KMT2D: variants seen among roughly 807,000 people sequenced by gnomAD.
The protein encoded by KMT2D is histone-lysine N-methyltransferase 2D.
KMT2D carries 55 observed loss-of-function variants against 512.7 expected under a neutral mutation model. The observed-to-expected ratio is 0.11, with a 90% CI of 0.09 to 0.13. KMT2D has a LOEUF of 0.13. Among genes scored for constraint, KMT2D ranks in the 10% least tolerant of loss-of-function variants. The pLI, the probability that KMT2D is intolerant of heterozygous loss-of-function variation, is 1.00. For synonymous variants in KMT2D, 2,995 were observed against 2,904.0 expected, an observed-to-expected ratio of 1.03 and a Z score of -1.01; for missense variants, 6,061 against 7,127.9, an observed-to-expected ratio of 0.85 and a Z score of 5.39.
At position 49,039,422 on chromosome 12, in the gene KMT2D, C is replaced by G. The variant is rs762795337; in HGVS notation, c.8229+13G>C. On this transcript the variant is annotated intron_variant, in intron 33 of 54. Coordinates refer to ENST00000301067, the MANE Select transcript of KMT2D (RefSeq NM_003482.4). This position sits in a 1 kb window ranked among gnomAD's most constrained non-coding sequence, Gnocchi z 5.0. ...AATATCCTGGCCCCACTATCCCTTG[C>G]CACTCTACCTACCTGTGTCCCAGCA... The G allele has an allele frequency of 3.7e-6, 6 of 1,600,006 alleles. No homozygotes were observed. Among genetic ancestry groups the G allele is most frequent in the Non-Finnish European group, 5.1e-6 (6 of 1,172,108 alleles).
Position 49,037,790 on chromosome 12 carries a change from C to A in KMT2D, c.9566G>T (p.Gly3189Val), listed in dbSNP as rs919478619. 4.4e-6 allele frequency: 7 copies of A among 1,596,214 alleles called. No homozygotes were observed. The highest frequency in any genetic ancestry group is 3.5e-5 in the Admixed American group (2 of 57,518). Residue 3189 changes from glycine (G) to valine (V), a missense_variant, in exon 35 of 55, where the codon GGA becomes GTA. Transcript: ENST00000301067. ...TAEKASFGAT[G>V]GPPAHLLTPS... Reference sequence around the variant, plus strand: ...GGTCAGCAGGTGAGCTGGTGGTCCTCCCGTGGCCCCAAAGGAGGCCTTCTC... The same window carrying A: ...GGTCAGCAGGTGAGCTGGTGGTCCTACCGTGGCCCCAAAGGAGGCCTTCTC...
At chr12:49,028,617 TTGTC>T (rs1169075481) in intron 46 of KMT2D, among the ~76,000 whole-genome samples, 14 of 152,220 alleles carry the variant, frequency 9.2e-5, no homozygotes, top group African/African-American at 3.4e-4. Flanking sequence ...AGTTGTTGAC[TTGTC>T]TGTCTTTACC....
rs2120679468 is a variant in KMT2D, at chr12:49,051,966, A to G, written c.1717T>C (p.Ser573Pro). ...ATGGGTGACTCCTCAGGTGGTGGAG[A>G]CAGGCGAGATGCTTCAGGTGGCGGG... The part of the protein sequence containing the change: ...TSPPPEASRL[S>P]PPPEESPMSP... The change falls in exon 11 of 55, where the codon TCT becomes CCT. Residue 573 changes from serine to proline, a missense_variant. Transcript: ENST00000301067. 6.2e-7 allele frequency: 1 copy of G among 1,612,020 alleles called. No homozygotes were observed. The highest frequency in any genetic ancestry group is 1.7e-4 in the Middle Eastern group (1 of 6,058).
Position 49,019,267 on chromosome 12 carries a change from A to G in KMT2D, c.*2513T>C, listed in dbSNP as rs560478834. 2.4e-5 allele frequency: 17 copies of G among 696,636 alleles called. No homozygotes were observed. In the South Asian group the frequency reaches 1.1e-3, roughly 45 times the overall value. 43.2% of individuals were successfully genotyped at this position (696,636 alleles called of 1,614,324 possible). On this transcript the variant is annotated 3_prime_UTR_variant, in exon 55 of 55. Transcript: ENST00000301067. The stretch of plus-strand genomic sequence containing the variant: ...CTTGTCAGCGATTTATTTTTTAAAA[A>G]GGGGGAGGGTCCTGGAGGTGAGGGG...
chr12:49,055,361 C>T lies in KMT2D; in HGVS notation c.-37G>A, dbSNP rs763984819. 6.3e-7 allele frequency: 1 copy of T among 1,590,916 alleles called. No homozygotes were observed. Among genetic ancestry groups the T allele is most frequent in the South Asian group, 1.1e-5 (1 of 89,520 alleles). On this transcript the variant is annotated splice_region_variant and 5_prime_UTR_variant, in exon 2 of 55. Coordinates refer to ENST00000301067, the MANE Select transcript of KMT2D (RefSeq NM_003482.4). Reference sequence around the variant, plus strand: ...ACTGGGCAGGGCCCTCTCGGGGAGACCTGTTGGTGCCAAGAAAGAGATCTA... The same window carrying T: ...ACTGGGCAGGGCCCTCTCGGGGAGATCTGTTGGTGCCAAGAAAGAGATCTA...
chr12:49,050,185 G>C lies in KMT2D; in HGVS notation c.3403C>G (p.Pro1135Ala), dbSNP rs2120646795. The change falls in exon 12 of 55, where the codon CCA (proline) becomes GCA (alanine). Residue 1135 changes from proline to alanine, a missense_variant. Transcript: ENST00000301067. ...CTGCCAGGGGTCTGTCCAGGCTCTG[G>C]CTGTGAACCCGGAGCATCAATCCCA... The part of the protein sequence containing the change: ...LDGIDAPGSQ[P>A]EPGQTPGSLA... 6.2e-7 allele frequency: 1 copy of C among 1,613,814 alleles called. No homozygotes were observed. Among genetic ancestry groups the C allele is most frequent in the South Asian group, 1.1e-5 (1 of 91,084 alleles).
chr12:49,053,169 CAGTT>C (rs770673634), intron 8 of KMT2D, 34 bp downstream of exon 8: 4 of 1,609,762 alleles, frequency 2.5e-6, no homozygotes, highest in African/African-American at 1.3e-5. Flanking sequence ...GTAGCAGACA[CAGTT>C]AGGGACAATA....
rs2120613182 is a variant in KMT2D, at chr12:49,046,807, G to T, written c.4237-17C>A. On this transcript the variant is annotated splice_polypyrimidine_tract_variant and intron_variant, in intron 15 of 54. Coordinates refer to ENST00000301067, the MANE Select transcript of KMT2D (RefSeq NM_003482.4). The surrounding 1 kb of genome is among the most constrained non-coding windows in gnomAD (Gnocchi z 4.2). ...CTTGGTGATCTGGGGCAGAAGATGG[G>T]AACTTCTCAGGGTGTGAGGTGGAAA... is the stretch of plus-strand genomic sequence containing the variant. 1 of 1,605,970 alleles carries T rather than the reference G, an allele frequency of 6.2e-7. No homozygotes were observed. Among genetic ancestry groups the T allele is most frequent in the Admixed American group, 1.7e-5 (1 of 59,568 alleles).
intron 19 of KMT2D, 24 bp downstream of exon 19, chr12:49,045,896 G>A (rs2120595880): frequency 6.3e-7 from 1 of 1,588,200 alleles, no homozygotes; most frequent in Non-Finnish European, 8.6e-7. Flanking sequence ...TCTGGCTTTG[G>A]CATTCAAAAT....
chr12:49,038,876 G>A lies in KMT2D; in HGVS notation c.8480C>T (p.Thr2827Ile), dbSNP rs2120505230. The change falls in exon 35 of 55, where the codon ACC becomes ATC. Residue 2827 changes from threonine (T) to isoleucine (I), a missense_variant. This residue lies in a region of KMT2D where 527 missense variants were observed against 578.9 expected (regional missense o/e 0.91). Transcript: ENST00000301067. The surrounding 1 kb of genome is among the most constrained non-coding windows in gnomAD (Gnocchi z 5.7). ...AGCTGACATGGCAAATCGCATGGAG[G>A]TTGCTGCTGTTGCCTGTTGTTGCTG... ...LWQQQQATAA[T>I]SMRFAMSARF... The A allele has an allele frequency of 6.4e-7, 1 of 1,551,890 alleles. No homozygotes were observed. Among genetic ancestry groups the A allele is most frequent in the Non-Finnish European group, 8.7e-7 (1 of 1,147,118 alleles).
rs199676066 is a variant in KMT2D, at chr12:49,031,181, G to A, written c.13524C>T (p.Asn4508=). The change falls in exon 40 of 55, where the codon AAC becomes AAT. Residue 4508 remains asparagine (N), a synonymous_variant. Coordinates refer to ENST00000301067, the MANE Select transcript of KMT2D (RefSeq NM_003482.4). ...CTCTACTCAGAGTACTCACCTCCTT[G>A]TTGCTGGGGGTACCCTGTAGTTTCT... ...LEQKLQGTPS[N]KEDAAARKPL... is the part of the protein sequence containing the mutation. 3.0e-5 allele frequency: 48 copies of A among 1,607,696 alleles called. No homozygotes were observed. The African/African-American group carries it at 5.6e-4, about 19-fold the overall frequency.
chr12:49,041,818 G>A lies in KMT2D; in HGVS notation c.6183+99C>T. Reference sequence around the variant, plus strand: ...GAAGCAGATCCCTTCTGGCCCAGCTGCTTTAGGAGTGGGGAGCGGAAAGAA... The same window carrying A: ...GAAGCAGATCCCTTCTGGCCCAGCTACTTTAGGAGTGGGGAGCGGAAAGAA... On this transcript the variant is annotated intron_variant, in intron 30 of 54. Transcript: ENST00000301067. This position sits in a 1 kb window ranked among gnomAD's most constrained non-coding sequence, Gnocchi z 5.4. 2 of 1,520,142 alleles carry A rather than the reference G, an allele frequency of 1.3e-6. No homozygotes were observed. The highest frequency in any genetic ancestry group is 2.4e-5 in the East Asian group (1 of 41,288). The allele number at this position is 1,520,142 out of a possible 1,614,324, so 94.2% of individuals were successfully genotyped here. A position where few individuals can be genotyped will look rare whatever the true frequency, so the allele number is the denominator to read the frequency against.
Position 49,033,797 on chromosome 12 carries a change from G to C in KMT2D, c.10908C>G (p.Leu3636=). The part of the protein sequence containing the change: ...RLLTKLPGQL[L]PGHGLQPPQG... Reference sequence around the variant, plus strand: ...GTGGTGGCTGCAGCCCATGGCCAGGGAGCAGCTGACCAGGGAGCTTGGTGA... The same window carrying C: ...GTGGTGGCTGCAGCCCATGGCCAGGCAGCAGCTGACCAGGGAGCTTGGTGA... Residue 3636 remains leucine (L), a synonymous_variant, in exon 40 of 55, where the codon CTC becomes CTG. Coordinates refer to ENST00000301067, the MANE Select transcript of KMT2D (RefSeq NM_003482.4). 6.2e-7 allele frequency: 1 copy of C among 1,600,208 alleles called. No homozygotes were observed.
At chr12:49,049,042 G>T in intron 13 of KMT2D, 63 bp downstream of exon 13, 3 of 1,031,890 alleles carry the variant, frequency 2.9e-6, no homozygotes, top group Non-Finnish European at 3.0e-6. Flanking sequence ...CAAGGGACTG[G>T]CAGGACTCAG....
rs746536071 is a variant in KMT2D at position 49,030,443 on chromosome 12, A to AG, written c.13840-5dup. 24 of 451,614 alleles carry AG rather than the reference A, an allele frequency of 5.3e-5. No homozygotes were observed. In the South Asian group the frequency reaches 6.3e-4, roughly 12 times the overall value. 28.0% of individuals were successfully genotyped at this position (451,614 alleles called of 1,614,324 possible). A position where few individuals can be genotyped will look rare whatever the true frequency, so the allele number is the denominator to read the frequency against. ...TCGGCGGGTTACTCAGGTTATTCTG[A>AG]GGGGTGGGGGGTGGGGTGTTGTGTG... is the stretch of plus-strand genomic sequence containing the variant. On this transcript the variant is annotated splice_polypyrimidine_tract_variant and splice_region_variant and intron_variant, in intron 42 of 54. Coordinates refer to ENST00000301067, the MANE Select transcript of KMT2D (RefSeq NM_003482.4).
chr12:49,046,781 C>G lies in KMT2D; in HGVS notation c.4246G>C (p.Val1416Leu), dbSNP rs1337343420. The G allele has an allele frequency of 6.2e-7, 1 of 1,612,532 alleles. No homozygotes were observed. Among genetic ancestry groups the G allele is most frequent in the Non-Finnish European group, 8.5e-7 (1 of 1,178,814 alleles). Residue 1416 changes from valine (V) to leucine (L), a missense_variant, in exon 16 of 55, where the codon GTG (valine) becomes CTG (leucine). This residue lies in a region of KMT2D where 53 missense variants were observed against 148.3 expected (regional missense o/e 0.36). Coordinates refer to ENST00000301067, the MANE Select transcript of KMT2D (RefSeq NM_003482.4). This position sits in a 1 kb window ranked among gnomAD's most constrained non-coding sequence, Gnocchi z 4.2. ...CAACGCCAGCCCTTGAGCAGCATCACCTTGGTGATCTGGGGCAGAAGATGG... is the reference window on the plus strand; with the variant it reads ...CAACGCCAGCCCTTGAGCAGCATCAGCTTGGTGATCTGGGGCAGAAGATGG... ...PYCVNSKITKVMLLKGWRCVE... is the reference protein window; with the variant it reads ...PYCVNSKITKLMLLKGWRCVE...
intron 1 of KMT2D, 75 bp from the exon 2 acceptor site, chr12:49,055,436 G>A: frequency 3.2e-6 from 3 of 931,006 alleles, no homozygotes; most frequent in Non-Finnish European, 4.9e-6. Context: ...ATCCTGGGAA[G>A]AAGGCATCCA....
rs1286374158 is a variant in KMT2D, at chr12:49,050,934, ACGGCAGCTCCTC to A, written c.2737_2748del (p.Glu913_Pro916del). 1 of 1,539,548 alleles carries A rather than the reference ACGGCAGCTCCTC, an allele frequency of 6.5e-7. No homozygotes were observed. The highest frequency in any genetic ancestry group is 8.7e-7 in the Non-Finnish European group (1 of 1,142,886). Reference sequence around the variant, plus strand: ...AAGGATGGCTCCCCAGATGGGGACAACGGCAGCTCCTCGGGCAGAGGGGACAGAGGTGGTTCC... The same window carrying A: ...AAGGATGGCTCCCCAGATGGGGACAAGGGCAGAGGGGACAGAGGTGGTTCC... On this transcript the variant is annotated inframe_deletion, in exon 11 of 55. Coordinates refer to ENST00000301067, the MANE Select transcript of KMT2D (RefSeq NM_003482.4).
chr12:49,026,108 T>C lies in KMT2D; in HGVS notation c.15784+74A>G, dbSNP rs371989312. 5.1e-5 allele frequency: 72 copies of C among 1,398,270 alleles called. No homozygotes were observed. The highest frequency in any genetic ancestry group is 5.6e-5 in the South Asian group (4 of 71,164). 86.6% of individuals were successfully genotyped at this position (1,398,270 alleles called of 1,614,324 possible). A position where few individuals can be genotyped will look rare whatever the true frequency, so the allele number is the denominator to read the frequency against. On this transcript the variant is annotated intron_variant, in intron 49 of 54. Coordinates refer to ENST00000301067, the MANE Select transcript of KMT2D (RefSeq NM_003482.4). The surrounding 1 kb of genome is among the most constrained non-coding windows in gnomAD (Gnocchi z 9.6). ...CACATAGAAGCTACAGGTCCTCTTATAGACATTGTAACAGTGACCCTGGGA... is the reference window on the plus strand; with the variant it reads ...CACATAGAAGCTACAGGTCCTCTTACAGACATTGTAACAGTGACCCTGGGA...
Sources: allele counts gnomAD v4.1 joint callset (sites outside exome capture counted in the v4.1 genomes callset), GRCh38; gene constraint gnomAD v4.1.1; regional missense constraint gnomAD v4.1.1; non-coding constraint Gnocchi (gnomAD v3.1); transcripts MANE v1.5; gene names NCBI Gene and HGNC (gene_info 2026-07-23, HGNC 2026-07-21).